MACROD2: variants seen among roughly 807,000 people sequenced by gnomAD.
MACROD2 encodes the protein mono-ADP ribosylhydrolase 2, also known as ADP-ribose glycohydrolase MACROD2.
MACROD2 carries 36 observed loss-of-function variants against 70.4 expected under a neutral mutation model. That is an observed-to-expected ratio of 0.51 (90% CI 0.39 to 0.68). MACROD2 has a LOEUF of 0.68. Among genes scored for constraint, MACROD2 ranks in the 30% least tolerant of loss-of-function variants. MACROD2 has a pLI of 0.00. For missense variants in MACROD2, 496 were observed against 538.4 expected (o/e 0.92, Z 0.78); for synonymous variants, 172 against 178.8 (o/e 0.96, Z 0.30).
chr20:15,769,445 C>T (rs770659186), intron 8 of MACROD2, among the ~76,000 whole-genome samples: 3 of 152,206 alleles, frequency 2.0e-5, no homozygotes, highest in African/African-American at 7.2e-5. Flanking sequence ...CCACGCCCCA[C>T]CTAATATAAT....
intron 5 of MACROD2, among the ~76,000 whole-genome samples, chr20:15,024,941 C>A (rs997212251): frequency 6.6e-6 from 1 of 152,124 alleles, no homozygotes; most frequent in Non-Finnish European, 1.5e-5. Flanking sequence ...TATTTCCCCC[C>A]ACGAGGATGG....
intron 5 of MACROD2, among the ~76,000 whole-genome samples, chr20:15,183,927 C>T (rs1039050417): frequency 2.6e-5 from 4 of 152,156 alleles, no homozygotes; most frequent in East Asian, 1.9e-4. Context: ...TGGCTTAAAA[C>T]GAAGGAGTGT....
At position 14,423,627 on chromosome 20, in the gene MACROD2, G is replaced by A. The variant is rs573568253; in HGVS notation, c.272-69852G>A. ...AGGCAGGAGAATGGCTTGAACCCAG[G>A]AGGCGGAGCTTGCGTTGAGCTGAGA... On this transcript the variant is annotated intron_variant, in intron 3 of 17. Transcript: ENST00000684519. 1.1e-3 allele frequency among the ~76,000 whole-genome samples: 170 copies of A among 149,214 alleles called. 1 individual carries two copies. Among genetic ancestry groups the A allele is most frequent in the Non-Finnish European group, 1.8e-3 (124 of 67,338 alleles).
intron 1 of MACROD2, 48 bp from the exon 2 acceptor site, chr20:14,002,240 A>T: frequency 8.1e-7 from 1 of 1,236,850 alleles, no homozygotes; most frequent in Non-Finnish European, 1.1e-6. Context: ...AATAATTCCC[A>T]TGTTTAAACG....
At chr20:14,339,885 C>G (rs2082995933) in intron 3 of MACROD2, among the ~76,000 whole-genome samples, 1 of 152,140 alleles carries the variant, frequency 6.6e-6, no homozygotes, top group Non-Finnish European at 1.5e-5. Flanking sequence ...CTGTGGCCTC[C>G]TATTCTGTCC....
intron 3 of MACROD2, among the ~76,000 whole-genome samples, chr20:14,258,460 A>G (rs1218726003): frequency 6.6e-6 from 1 of 152,110 alleles, no homozygotes; most frequent in East Asian, 1.9e-4. Flanking sequence ...CATTTCTCTG[A>G]TAATTAGTGA....
chr20:15,537,458 C>T (rs2047891759), intron 8 of MACROD2, among the ~76,000 whole-genome samples: 1 of 148,570 alleles, frequency 6.7e-6, no homozygotes, highest in Non-Finnish European at 1.5e-5. Context: ...CCTGGGAAAT[C>T]CCACTCATCT....
intron 8 of MACROD2, among the ~76,000 whole-genome samples, chr20:15,839,777 A>G (rs1288377778): frequency 1.3e-5 from 2 of 152,126 alleles, no homozygotes; most frequent in Non-Finnish European, 2.9e-5. Context: ...TCATATGTCT[A>G]TATATCATCA....
Position 14,960,220 on chromosome 20 carries a change from C to A in MACROD2, c.419-269720C>A, listed in dbSNP as rs558813120. Among the ~76,000 whole-genome samples, 5 of 152,298 alleles carry A rather than the reference C, an allele frequency of 3.3e-5. No individual in the cohort carries two copies. The South Asian group carries it at 1.0e-3, about 32-fold the overall frequency. On this transcript the variant is annotated intron_variant, in intron 5 of 17. Transcript: ENST00000684519. Reference sequence around the variant, plus strand: ...TCCACACCCTTGGCTGGGAAACTTTCTTCTTCCCTCCTCAGCCAGTTCACA... The same window carrying A: ...TCCACACCCTTGGCTGGGAAACTTTATTCTTCCCTCCTCAGCCAGTTCACA...
chr20:15,022,883 T>G (rs1358028187), intron 5 of MACROD2: 1 of 152,190 alleles, frequency 6.6e-6, no homozygotes, highest in East Asian at 1.9e-4. Context: ...ATACTAAAAT[T>G]GGAACGATAC....
In MACROD2 at chr20:14,873,106, A is replaced by G. The variant is rs554378753; in HGVS notation, c.418+188147A>G. Among the ~76,000 whole-genome samples, 7 of 152,272 alleles carry G rather than the reference A, an allele frequency of 4.6e-5. No homozygotes were observed. The South Asian group carries it at 1.5e-3, about 32-fold the overall frequency. ...GATTTAGGTGGGAACACAAAGCCTG[A>G]CAATATCACAAAAACTCTAAGAAAG... On this transcript the variant is annotated intron_variant, in intron 5 of 17. Transcript: ENST00000684519.
In MACROD2 at chr20:14,516,571, A is replaced by G. The variant is rs189982348; in HGVS notation, c.301+23063A>G. 1.7e-3 allele frequency among the ~76,000 whole-genome samples: 261 copies of G among 152,226 alleles called. 1 individual carries two copies. The highest frequency in any genetic ancestry group is 6.8e-3 in the Middle Eastern group (2 of 294). On this transcript the variant is annotated intron_variant, in intron 4 of 17. Transcript: ENST00000684519. ...TATTAAATAGGGAATCTTTTCCCCAATTCTTGTTTTTGTCAGGTTTGTCAA... is the reference window on the plus strand; with the variant it reads ...TATTAAATAGGGAATCTTTTCCCCAGTTCTTGTTTTTGTCAGGTTTGTCAA...
At chr20:15,612,620 T>C (rs576166916) in intron 8 of MACROD2, among the ~76,000 whole-genome samples, 1 of 152,356 alleles carries the variant, frequency 6.6e-6, no homozygotes, top group Non-Finnish European at 1.5e-5. Flanking sequence ...CCACTAAAGC[T>C]TTAGCTATTC....
At chr20:15,210,077 T>C (rs745660627) in intron 5 of MACROD2, among the ~76,000 whole-genome samples, 3 of 152,218 alleles carry the variant, frequency 2.0e-5, no homozygotes, top group Non-Finnish European at 4.4e-5. Context: ...ATCACTGTAG[T>C]TCATCTCTCT....
chr20:15,242,619 T>A (rs1207982592), intron 6 of MACROD2, among the ~76,000 whole-genome samples: 1 of 152,200 alleles, frequency 6.6e-6, no homozygotes, highest in African/African-American at 2.4e-5. Context: ...AGGAGTAGAT[T>A]TAATAATTTT....
intron 8 of MACROD2, among the ~76,000 whole-genome samples, chr20:15,784,565 A>T (rs533769443): frequency 6.6e-6 from 1 of 152,166 alleles, no homozygotes; most frequent in Non-Finnish European, 1.5e-5. Context: ...ACTGACTTCT[A>T]CTATAAATGA....
chr20:14,434,269 A>C (rs1437732889), intron 3 of MACROD2, among the ~76,000 whole-genome samples: 1 of 152,218 alleles, frequency 6.6e-6, no homozygotes, highest in Non-Finnish European at 1.5e-5. Context: ...AAATGCAATG[A>C]GTTATCAAAT....
chr20:15,544,071 A>T (rs550915243), intron 8 of MACROD2, among the ~76,000 whole-genome samples: 1 of 152,248 alleles, frequency 6.6e-6, no homozygotes, highest in African/African-American at 2.4e-5. Context: ...GAGGGAAAGG[A>T]TGTGGATACA....
chr20:15,438,427 A>G (rs1206107569), intron 7 of MACROD2, among the ~76,000 whole-genome samples: 9 of 152,152 alleles, frequency 5.9e-5, no homozygotes, highest in Admixed American at 5.9e-4. Flanking sequence ...TTGTCTAATG[A>G]TAAGTGCATT....
Sources: gnomAD v4.1 joint callset for allele counts (sites outside exome capture counted in the v4.1 genomes callset) on GRCh38, gnomAD v4.1.1 for gene constraint, MANE v1.5 for transcripts, NCBI Gene and HGNC (gene_info 2026-07-23, HGNC 2026-07-21) for gene names.